TBCD: variants seen among roughly 807,000 people sequenced by gnomAD.
The protein encoded by TBCD is tubulin-specific chaperone D.
Under a neutral mutation model 169.3 loss-of-function variants are expected in TBCD, and 105 were observed. That is an observed-to-expected ratio of 0.62 (90% CI 0.53 to 0.73). TBCD has a LOEUF of 0.73. Among genes scored for constraint, TBCD ranks in the 30% least tolerant of loss-of-function variants. The pLI is 0.00. For missense variants in TBCD, 1,444 were observed against 1,600.1 expected, an observed-to-expected ratio of 0.90 and a Z score of 1.66; for synonymous variants, 700 against 643.9, an observed-to-expected ratio of 1.09 and a Z score of -1.32.
intron 15 of TBCD, among the ~76,000 whole-genome samples, chr17:82,888,667 G>A (rs532119508): frequency 2.0e-5 from 3 of 152,314 alleles, no homozygotes; most frequent in Admixed American, 6.5e-5. Context: ...GGCCAGAGGT[G>A]GTGGGCGCGT....
At chr17:82,830,711 T>C in intron 13 of TBCD, 1 of 1,614,118 alleles carries the variant, frequency 6.2e-7, no homozygotes, top group Non-Finnish European at 8.5e-7. Context: ...GCCTGGGGGC[T>C]GCCTTGGTAC....
chr17:82,934,052 G>A (rs569513803), intron 34 of TBCD, among the ~76,000 whole-genome samples: 1 of 152,348 alleles, frequency 6.6e-6, no homozygotes, highest in African/African-American at 2.4e-5. Context: ...GCCATCTTTT[G>A]GGTGGTTCGT....
intron 6 of TBCD, among the ~76,000 whole-genome samples, chr17:82,777,741 T>G (rs1201581916): frequency 1.3e-5 from 2 of 152,180 alleles, no homozygotes; most frequent in South Asian, 2.1e-4. Flanking sequence ...AAGCACAGCA[T>G]CACAGGGAGA....
intron 13 of TBCD, among the ~76,000 whole-genome samples, chr17:82,859,025 C>T (rs571292609): frequency 2.6e-5 from 4 of 152,360 alleles, no homozygotes; most frequent in Admixed American, 6.5e-5. Context: ...TGTCTTTGCT[C>T]GGGGCCCCGA....
chr17:82,771,704 C>G (rs535258620), intron 5 of TBCD, among the ~76,000 whole-genome samples: 110 of 152,306 alleles, frequency 7.2e-4, no homozygotes, highest in Non-Finnish European at 1.3e-3. Flanking sequence ...CAGGCGTGAG[C>G]CGCAGTGCCC....
chr17:82,919,727 C>T (rs1419731302), intron 23 of TBCD, among the ~76,000 whole-genome samples: 4 of 152,118 alleles, frequency 2.6e-5, no homozygotes, highest in East Asian at 1.9e-4. Flanking sequence ...CAGGGTCTCT[C>T]GTGGAACAGG....
intron 14 of TBCD, among the ~76,000 whole-genome samples, chr17:82,873,664 A>T (rs927532482): frequency 6.6e-6 from 1 of 152,182 alleles, no homozygotes; most frequent in African/African-American, 2.4e-5. Flanking sequence ...TCATCGTTCC[A>T]GAGTAAAATA....
At chr17:82,941,126 C>T (rs529166387) in intron 37 of TBCD, among the ~76,000 whole-genome samples, 195 of 152,382 alleles carry the variant, frequency 1.3e-3, no homozygotes, top group Non-Finnish European at 1.6e-3. Flanking sequence ...GTCTGTCCTC[C>T]CGCAGTCCCT....
intron 7 of TBCD, among the ~76,000 whole-genome samples, chr17:82,792,872 C>A (rs966668445): frequency 6.6e-6 from 1 of 152,084 alleles, no homozygotes; most frequent in Admixed American, 6.6e-5. Context: ...AAGTCATCCT[C>A]CCCCCTCAGC....
intron 27 of TBCD, among the ~76,000 whole-genome samples, chr17:82,925,422 C>T (rs555629493): frequency 8.9e-4 from 136 of 152,254 alleles, no homozygotes; most frequent in African/African-American, 2.5e-3. Flanking sequence ...GCATCCAGGT[C>T]GGGGCAGAGG....
chr17:82,834,020 C>T (rs895381796), intron 13 of TBCD, among the ~76,000 whole-genome samples: 4 of 152,100 alleles, frequency 2.6e-5, no homozygotes, highest in Admixed American at 6.5e-5. Context: ...TCTCAGCTCA[C>T]TGCAACCTCC....
intron 5 of TBCD, among the ~76,000 whole-genome samples, chr17:82,771,689 G>A (rs1268192348): frequency 1.3e-5 from 2 of 151,994 alleles, no homozygotes; most frequent in Non-Finnish European, 2.9e-5. Context: ...AAAGTGCTGG[G>A]ATTACAGGCG....
chr17:82,872,048 C>T (rs184256758), intron 14 of TBCD, among the ~76,000 whole-genome samples: 155 of 152,320 alleles, frequency 1.0e-3, no homozygotes, highest in East Asian at 6.2e-3. Context: ...TACTCAGTAG[C>T]GTCCGGAGAG....
Position 82,789,387 on chromosome 17 carries a change from C to T in TBCD, c.771+7666C>T, listed in dbSNP as rs973969942. 5.3e-5 allele frequency among the ~76,000 whole-genome samples: 8 copies of T among 152,376 alleles called. No homozygotes were observed. Among genetic ancestry groups the T allele is most frequent in the South Asian group, 2.1e-4 (1 of 4,830 alleles). On this transcript the variant is annotated intron_variant, in intron 7 of 38. Transcript: ENST00000355528. The surrounding 1 kb of genome is among the most constrained non-coding windows in gnomAD (Gnocchi z 4.8). ...CGCGACCTGCTCACAGACGTGTGCT[C>T]ACAGGCAGCCCGTCGCGGGGTCATG...
At chr17:82,808,169 A>C (rs1248792841) in intron 11 of TBCD, among the ~76,000 whole-genome samples, 1 of 152,110 alleles carries the variant, frequency 6.6e-6, no homozygotes, top group Non-Finnish European at 1.5e-5. Flanking sequence ...CCTTGAACAC[A>C]ACAGGTGGAG....
chr17:82,824,331 G>A (rs1209503228), intron 13 of TBCD, among the ~76,000 whole-genome samples: 3 of 151,392 alleles, frequency 2.0e-5, no homozygotes, highest in South Asian at 2.1e-4. Flanking sequence ...ACAGGCGCCC[G>A]CCACCATGCC....
At chr17:82,870,127 C>T (rs944659714) in intron 13 of TBCD, 97 bp from the exon 14 acceptor site, 89 of 1,545,858 alleles carry the variant, frequency 5.8e-5, no homozygotes, top group Middle Eastern at 1.7e-4. Context: ...CATCTGGCAC[C>T]GTGACCGCGC....
chr17:82,767,656 G>T (rs1378374638), intron 4 of TBCD, among the ~76,000 whole-genome samples: 1 of 152,004 alleles, frequency 6.6e-6, no homozygotes, highest in East Asian at 1.9e-4. Flanking sequence ...GGTCAGGCTG[G>T]TTTAGGACTC....
intron 3 of TBCD, among the ~76,000 whole-genome samples, 184 bp from the exon 4 acceptor site, chr17:82,766,083 C>G (rs892486993): frequency 2.0e-5 from 3 of 152,192 alleles, no homozygotes; most frequent in African/African-American, 7.2e-5. Flanking sequence ...AGCCATCGCT[C>G]TTGGCCATGG....
Sources: gnomAD v4.1 joint callset for allele counts (sites outside exome capture counted in the v4.1 genomes callset) on GRCh38, gnomAD v4.1.1 for gene constraint, Gnocchi (gnomAD v3.1) non-coding constraint, MANE v1.5 for transcripts, NCBI Gene and HGNC (gene_info 2026-07-23, HGNC 2026-07-21) for gene names.